The following MUC17 variants were observed in gnomAD, a reference collection of about 807,000 sequenced individuals.
MUC17 encodes mucin 17, cell surface associated.
MUC17 carries 190 observed loss-of-function variants against 170.3 expected under a neutral mutation model. The ratio of observed to expected loss-of-function variants is 1.12; its 90% CI spans 0.99 to 1.26. The LOEUF (loss-of-function observed/expected upper bound fraction) is 1.26, where lower values mean the gene tolerates loss of function less well. MUC17 is among the 50% of genes most tolerant of loss of function. The probability of loss-of-function intolerance (pLI) is 0.00; values close to 1 mark genes in which losing one functional copy is unlikely to be tolerated. For synonymous variants in MUC17, 2,325 were observed against 2,002.5 expected, an observed-to-expected ratio of 1.16 and a Z score of -4.30; for missense variants, 6,415 against 5,530.0, an observed-to-expected ratio of 1.16 and a Z score of -5.08.
chr7:101,027,775 A>G (rs80183277), intron 1 of MUC17, among the ~76,000 whole-genome samples: 2 of 151,380 alleles, frequency 1.3e-5, no homozygotes, highest in African/African-American at 4.8e-5. Flanking sequence ...TTAAAAAAAA[A>G]TTTCTTTTTT....
At chr7:101,029,874 C>T (rs1257918912) in intron 1 of MUC17, among the ~76,000 whole-genome samples, 1 of 152,118 alleles carries the variant, frequency 6.6e-6, no homozygotes, top group Non-Finnish European at 1.5e-5. Flanking sequence ...GCTGAGATTA[C>T]AGGCGTGAAC....
At chr7:101,020,628 T>C (rs1466624813) in intron 1 of MUC17, among the ~76,000 whole-genome samples, 1 of 152,064 alleles carries the variant, frequency 6.6e-6, no homozygotes, top group Non-Finnish European at 1.5e-5. Flanking sequence ...CAAGTCCCTG[T>C]CACCTCCCAC....
At position 101,033,443 on chromosome 7, in the gene MUC17, C is replaced by A. The variant is rs1794355930; in HGVS notation, c.2027C>A (p.Thr676Asn). ...ATSSSTTAEG[T>N]SMPTSTYTEG... Reference sequence around the variant, plus strand: ...TCATCTTCTACAACTGCGGAAGGTACCAGCATGCCAACCTCAACTTATACT... The same window carrying A: ...TCATCTTCTACAACTGCGGAAGGTAACAGCATGCCAACCTCAACTTATACT... The change falls in exon 3 of 13, where the codon ACC becomes AAC. Residue 676 changes from threonine (T) to asparagine (N), a missense_variant. Transcript: ENST00000306151. The A allele has an allele frequency of 6.2e-7, 1 of 1,613,404 alleles. No individual in the cohort carries two copies. The highest frequency in any genetic ancestry group is 8.5e-7 in the Non-Finnish European group (1 of 1,179,700).
At position 101,038,113 on chromosome 7, in the gene MUC17, G is replaced by A; in HGVS notation, c.6697G>A (p.Val2233Ile). The A allele has an allele frequency of 1.4e-5, 19 of 1,405,630 alleles. No homozygotes were observed. The highest frequency in any genetic ancestry group is 1.7e-5 in the Non-Finnish European group (18 of 1,049,962). The allele number at this position is 1,405,630 out of a possible 1,614,324, so 87.1% of individuals were successfully genotyped here. A position where few individuals can be genotyped will look rare whatever the true frequency, so the allele number is the denominator to read the frequency against. The change falls in exon 3 of 13, where the codon GTT becomes ATT. Residue 2233 changes from valine to isoleucine, a missense_variant. Coordinates refer to ENST00000306151, the MANE Select transcript of MUC17 (RefSeq NM_001040105.2). ...TSMPVSTMPV[V>I]TSEASTLSAT... ...TATGCCTGTCAGCACCATGCCGGTAGTTACTTCTGAGGCTAGCACCCTTTC... is the reference window on the plus strand; with the variant it reads ...TATGCCTGTCAGCACCATGCCGGTAATTACTTCTGAGGCTAGCACCCTTTC...
chr7:101,043,309 G>A lies in MUC17; in HGVS notation c.11893G>A (p.Val3965Met). The A allele has an allele frequency of 6.2e-7, 1 of 1,614,124 alleles. No individual in the cohort carries two copies. Among genetic ancestry groups the A allele is most frequent in the Non-Finnish European group, 8.5e-7 (1 of 1,180,038 alleles). ...AACAACTGGTGCTGTATCTACCCCT[G>A]TGATAACTTCCACTGAACTAAACAC... is the stretch of plus-strand genomic sequence containing the variant. ...PATTGAVSTP[V>M]ITSTELNTPS... is the part of the protein sequence containing the mutation. The change falls in exon 3 of 13, where the codon GTG (valine) becomes ATG (methionine). Residue 3965 changes from valine (V) to methionine (M), a missense_variant. Val to Met is a conservative substitution (Grantham distance 21). Coordinates refer to ENST00000306151, the MANE Select transcript of MUC17 (RefSeq NM_001040105.2).
Position 101,039,005 on chromosome 7 carries a change from C to T in MUC17, c.7589C>T (p.Pro2530Leu). 6.2e-7 allele frequency: 1 copy of T among 1,614,134 alleles called. No individual in the cohort carries two copies. Among genetic ancestry groups the T allele is most frequent in the Non-Finnish European group, 8.5e-7 (1 of 1,180,008 alleles). ...GTCAGCACCACGCCAGTGGCCAGTC[C>T]TGAGGCTAGCACCCTTTCAACAACT... is the stretch of plus-strand genomic sequence containing the variant. ...IPVSTTPVAS[P>L]EASTLSTTPV... The change falls in exon 3 of 13, where the codon CCT becomes CTT. Residue 2530 changes from proline (P) to leucine (L), a missense_variant. Pro to Leu is a moderately conservative substitution (Grantham distance 98). Transcript: ENST00000306151.
intron 1 of MUC17, 64 bp from the exon 2 acceptor site, chr7:101,031,056 A>C: frequency 6.6e-7 from 1 of 1,525,526 alleles, no homozygotes; most frequent in Non-Finnish European, 8.8e-7. Context: ...AGAGACTCAG[A>C]GTCTTCAAGA....
Position 101,039,702 on chromosome 7 carries a change from A to T in MUC17, c.8286A>T (p.Pro2762=), listed in dbSNP as rs367900531. 6.2e-6 allele frequency: 10 copies of T among 1,612,528 alleles called. No homozygotes were observed. In the African/African-American group the frequency reaches 1.2e-4, roughly 19 times the overall value. Residue 2762 remains proline (P), a synonymous_variant, in exon 3 of 13, where the codon CCA becomes CCT. Transcript: ENST00000306151. ...CAAGTATACTTGTCAGCACCCTGCC[A>T]GTGGCCAGTTCTGAGGCTAGCACCG... ...PLTSILVSTL[P]VASSEASTVS... is the part of the protein sequence containing the mutation.
intron 7 of MUC17, among the ~76,000 whole-genome samples, chr7:101,050,992 G>T (rs969425666): frequency 1.2e-4 from 19 of 152,224 alleles, no homozygotes; most frequent in African/African-American, 4.1e-4. Flanking sequence ...TAGGACAGGG[G>T]AGTCTGCTGG....
chr7:101,049,000 G>C (rs756586820), intron 5 of MUC17, 28 bp downstream of exon 5: 1 of 1,613,984 alleles, frequency 6.2e-7, no homozygotes, highest in South Asian at 1.1e-5. Flanking sequence ...AGGCCCCATA[G>C]CTACTCAGTT....
At chr7:101,053,209 CCT>C in intron 10 of MUC17, 62 bp downstream of exon 10, 1 of 1,592,126 alleles carries the variant, frequency 6.3e-7, no homozygotes, top group South Asian at 1.1e-5. Context: ...TCCTCTGAAC[CCT>C]CTGTCTCTAA....
chr7:101,056,532 G>C (rs761676963), intron 12 of MUC17, among the ~76,000 whole-genome samples: 18 of 152,150 alleles, frequency 1.2e-4, no homozygotes, highest in Non-Finnish European at 2.5e-4. Context: ...GTACATCCTT[G>C]ATGGCCAACT....
intron 1 of MUC17, among the ~76,000 whole-genome samples, chr7:101,022,518 T>C (rs1794109843): frequency 6.6e-6 from 1 of 152,032 alleles, no homozygotes; most frequent in African/African-American, 2.4e-5. Context: ...AGCTCCCTAC[T>C]CCCATCAACA....
chr7:101,024,357 A>T (rs1794144561), intron 1 of MUC17, among the ~76,000 whole-genome samples: 1 of 151,884 alleles, frequency 6.6e-6, no homozygotes, highest in South Asian at 2.1e-4. Flanking sequence ...CCGAGATGGC[A>T]TCACTGCACT....
chr7:101,041,126 C>G lies in MUC17; in HGVS notation c.9710C>G (p.Ser3237Cys). 6.2e-7 allele frequency: 1 copy of G among 1,613,830 alleles called. No individual in the cohort carries two copies. ...GTCAGCAACACGCCGGTGGCCAGTT[C>G]TGAGGCTAGCATCCTTTCAACAACT... ...VPVSNTPVAS[S>C]EASILSTTPV... Residue 3237 changes from serine (S) to cysteine (C), a missense_variant, in exon 3 of 13, where the codon TCT becomes TGT. By Grantham distance (112) the Ser-to-Cys change is moderately radical. Coordinates refer to ENST00000306151, the MANE Select transcript of MUC17 (RefSeq NM_001040105.2).
In MUC17 at chr7:101,038,441, G is replaced by T. The variant is rs367804426; in HGVS notation, c.7025G>T (p.Arg2342Leu). ...AGTGAAGGAAACACTCCATTAACAC[G>T]TATGCCTGTCAGCACCACAATGGTG... is the stretch of plus-strand genomic sequence containing the variant. ...TSSEGNTPLT[R>L]MPVSTTMVAS... is the part of the protein sequence containing the mutation. The change falls in exon 3 of 13, where the codon CGT becomes CTT. Residue 2342 changes from arginine to leucine, a missense_variant. By Grantham distance (102) the Arg-to-Leu change is moderately radical. Coordinates refer to ENST00000306151, the MANE Select transcript of MUC17 (RefSeq NM_001040105.2). 7 of 1,613,152 alleles carry T rather than the reference G, an allele frequency of 4.3e-6. No homozygotes were observed. The Admixed American group carries it at 8.3e-5, about 19-fold the overall frequency.
intron 7 of MUC17, among the ~76,000 whole-genome samples, chr7:101,051,394 AAG>A (rs1794940689): frequency 6.8e-6 from 1 of 147,976 alleles, no homozygotes; most frequent in Non-Finnish European, 1.5e-5. Context: ...AAAAAAGAGT[AAG>A]AAAGAAAATA....
chr7:101,037,865 G>A lies in MUC17; in HGVS notation c.6449G>A (p.Ser2150Asn). The A allele has an allele frequency of 6.2e-7, 1 of 1,610,822 alleles. No individual in the cohort carries two copies. The highest frequency in any genetic ancestry group is 8.5e-7 in the Non-Finnish European group (1 of 1,178,184). ...SSSPIPTEGT[S>N]MQTSTYSDRR... ...TCTCCTATACCTACTGAAGGTACCA[G>A]CATGCAAACCTCAACTTATAGTGAC... The change falls in exon 3 of 13, where the codon AGC becomes AAC. Residue 2150 changes from serine (S) to asparagine (N), a missense_variant. Coordinates refer to ENST00000306151, the MANE Select transcript of MUC17 (RefSeq NM_001040105.2).
rs752643393 is a variant in MUC17 at position 101,040,659 on chromosome 7, T to A, written c.9243T>A (p.Thr3081=). ...CCAACAGTCCTGTGGTCACTTCTACTGAAGTCAGTTCATCTCCTACACCTG... is the reference window on the plus strand; with the variant it reads ...CCAACAGTCCTGTGGTCACTTCTACAGAAGTCAGTTCATCTCCTACACCTG... ...VDSNSPVVTS[T]EVSSSPTPAE... Residue 3081 remains threonine (T), a synonymous_variant, in exon 3 of 13, where the codon ACT becomes ACA. Transcript: ENST00000306151. 1.3e-4 allele frequency: 215 copies of A among 1,612,712 alleles called. 1 individual carries two copies. Among genetic ancestry groups the A allele is most frequent in the Non-Finnish European group, 2.8e-5 (33 of 1,179,456 alleles).
Sources: gnomAD v4.1 joint callset for allele counts (sites outside exome capture counted in the v4.1 genomes callset) on GRCh38, gnomAD v4.1.1 for gene constraint, MANE v1.5 for transcripts, NCBI Gene and HGNC (gene_info 2026-07-23, HGNC 2026-07-21) for gene names.